Variants in MAPK8IP1 observed in about 807,000 individuals in gnomAD.
The protein encoded by MAPK8IP1 is mitogen-activated protein kinase 8 interacting protein 1.
Under a neutral mutation model 72.6 loss-of-function variants are expected in MAPK8IP1, and 17 were observed. The ratio of observed to expected loss-of-function variants is 0.23; its 90% CI spans 0.16 to 0.35. The LOEUF (loss-of-function observed/expected upper bound fraction) is 0.35, where lower values mean the gene tolerates loss of function less well. MAPK8IP1 is among the 10% of genes least tolerant of loss of function. The pLI, the probability that MAPK8IP1 is intolerant of heterozygous loss-of-function variation, is 1.00. For synonymous variants in MAPK8IP1, 401 were observed against 443.4 expected (o/e 0.90, Z 1.20); for missense variants, 789 against 1,009.7 (o/e 0.78, Z 2.96).
rs921464364 is a variant in MAPK8IP1 at position 45,900,164 on chromosome 11, GGGC to G, written c.245_247del (p.Gly82del). ...CCCCGCGCGCCGGGCTGCTCTCTGC[GGGC>G]GGCGGCGGCGCGGGGAGCCGGTTGC... On this transcript the variant is annotated inframe_deletion, in exon 3 of 12. Coordinates refer to ENST00000241014, the MANE Select transcript of MAPK8IP1 (RefSeq NM_005456.4). This position sits in a 1 kb window ranked among gnomAD's most constrained non-coding sequence, Gnocchi z 6.5. The G allele has an allele frequency of 5.4e-6, 7 of 1,307,396 alleles. No individual in the cohort carries two copies. Among genetic ancestry groups the G allele is most frequent in the Non-Finnish European group, 5.8e-6 (6 of 1,035,174 alleles). The allele number at this position is 1,307,396 out of a possible 1,614,324, so 81.0% of individuals were successfully genotyped here.
At chr11:45,889,080 G>T (rs1245899766) in intron 1 of MAPK8IP1, among the ~76,000 whole-genome samples, 1 of 152,046 alleles carries the variant, frequency 6.6e-6, no homozygotes, top group Non-Finnish European at 1.5e-5. Context: ...TAATTTTTTT[G>T]GATTTTGGAA....
chr11:45,886,552 C>G (rs1246289694), intron 1 of MAPK8IP1, among the ~76,000 whole-genome samples: 1 of 152,176 alleles, frequency 6.6e-6, no homozygotes, highest in African/African-American at 2.4e-5. Context: ...CGGCTCGGCT[C>G]TGGAGTAGCC....
intron 1 of MAPK8IP1, among the ~76,000 whole-genome samples, chr11:45,891,826 C>T (rs952846958): frequency 7.9e-5 from 12 of 152,198 alleles, no homozygotes; most frequent in African/African-American, 2.4e-4. Flanking sequence ...CTGATGGCCA[C>T]GATGGAACCA....
In MAPK8IP1 at chr11:45,900,536, C is replaced by A; in HGVS notation, c.522+84C>A. On this transcript the variant is annotated intron_variant, in intron 3 of 11. Coordinates refer to ENST00000241014, the MANE Select transcript of MAPK8IP1 (RefSeq NM_005456.4). The surrounding 1 kb of genome is among the most constrained non-coding windows in gnomAD (Gnocchi z 6.5). ...GCAGAGGGGCTGCAGCGGGAAGGGG[C>A]ACCCACGGGTCCAGTGCCTGGGGAC... 1.4e-6 allele frequency: 2 copies of A among 1,458,174 alleles called. No individual in the cohort carries two copies. The highest frequency in any genetic ancestry group is 1.8e-6 in the Non-Finnish European group (2 of 1,090,718). The allele number at this position is 1,458,174 out of a possible 1,614,324, so 90.3% of individuals were successfully genotyped here.
chr11:45,896,748 C>T (rs938926825), intron 1 of MAPK8IP1: 36 of 1,475,790 alleles, frequency 2.4e-5, no homozygotes, highest in African/African-American at 4.3e-5. Context: ...GCAGGCAGGA[C>T]GCAGAAAGAC....
chr11:45,890,740 A>G (rs995315133), intron 1 of MAPK8IP1, among the ~76,000 whole-genome samples: 5 of 151,996 alleles, frequency 3.3e-5, no homozygotes, highest in Non-Finnish European at 5.9e-5. Flanking sequence ...GGGTGTGAAA[A>G]TCATGTGGGA....
In MAPK8IP1 at chr11:45,906,259, GTCA is replaced by G. The variant is rs1183165166; in HGVS notation, c.*541_*543del. On this transcript the variant is annotated 3_prime_UTR_variant, in exon 12 of 12. Transcript: ENST00000241014. ...AGGTGAAGTCCCTGTTCTCAGCTCC[GTCA>G]TCTGCGGGGCTTCTGGGTGGCTCCT... is the stretch of plus-strand genomic sequence containing the variant. The G allele has an allele frequency of 1.5e-5, 5 of 326,586 alleles. No individual in the cohort carries two copies. The highest frequency in any genetic ancestry group is 2.8e-5 in the Non-Finnish European group (5 of 178,494). 20.2% of individuals were successfully genotyped at this position (326,586 alleles called of 1,614,324 possible).
intron 1 of MAPK8IP1, among the ~76,000 whole-genome samples, chr11:45,895,635 T>TAA (rs2086599360): frequency 3.8e-5 from 1 of 26,614 alleles, no homozygotes; most frequent in Admixed American, 3.1e-4. Flanking sequence ...AAAAAAAAAA[T>TAA]ATATATATAT....
Position 45,903,475 on chromosome 11 carries a change from A to T in MAPK8IP1, c.1493+35A>T. 1 of 1,580,946 alleles carries T rather than the reference A, an allele frequency of 6.3e-7. No individual in the cohort carries two copies. Among genetic ancestry groups the T allele is most frequent in the Non-Finnish European group, 8.6e-7 (1 of 1,161,708 alleles). Reference sequence around the variant, plus strand: ...ATGGGCTGGCTGGGCCTAGCCAGGCAGCAGTTTGGGCCACACACCACCCTC... The same window carrying T: ...ATGGGCTGGCTGGGCCTAGCCAGGCTGCAGTTTGGGCCACACACCACCCTC... On this transcript the variant is annotated intron_variant, in intron 6 of 11. Coordinates refer to ENST00000241014, the MANE Select transcript of MAPK8IP1 (RefSeq NM_005456.4). The surrounding 1 kb of genome is among the most constrained non-coding windows in gnomAD (Gnocchi z 6.4).
intron 1 of MAPK8IP1, among the ~76,000 whole-genome samples, chr11:45,897,468 A>G (rs1447349874): frequency 1.3e-5 from 2 of 152,192 alleles, no homozygotes; most frequent in Non-Finnish European, 2.9e-5. Context: ...TACACTGGAT[A>G]AGGAGAAGAT....
chr11:45,903,000 C>G lies in MAPK8IP1; in HGVS notation c.1233C>G (p.Thr411=). Residue 411 remains threonine (T), a synonymous_variant, in exon 5 of 12, where the codon ACC becomes ACG. Transcript: ENST00000241014. This position sits in a 1 kb window ranked among gnomAD's most constrained non-coding sequence, Gnocchi z 9.3. ...ACAGTGACGAGAGTGACTCTGCCAC[C>G]GTCTATGACAACTGTGCCTCCGTCT... ...GDYSDESDSA[T]VYDNCASVSS... is the part of the protein sequence containing the mutation. 1 of 1,611,874 alleles carries G rather than the reference C, an allele frequency of 6.2e-7. No homozygotes were observed. Among genetic ancestry groups the G allele is most frequent in the Admixed American group, 1.7e-5 (1 of 60,016 alleles).
rs535725320 is a variant in MAPK8IP1 at position 45,903,690 on chromosome 11, G to A, written c.1493+250G>A. On this transcript the variant is annotated intron_variant, in intron 6 of 11. Coordinates refer to ENST00000241014, the MANE Select transcript of MAPK8IP1 (RefSeq NM_005456.4). This position sits in a 1 kb window ranked among gnomAD's most constrained non-coding sequence, Gnocchi z 6.4. The stretch of plus-strand genomic sequence containing the variant: ...GGCAGGGCACCCAGGAGGGTGACCA[G>A]GAGGATGCCTGCCCACACCCCACCT... Among the ~76,000 whole-genome samples, 53 of 152,304 alleles carry A rather than the reference G, an allele frequency of 3.5e-4. No individual in the cohort carries two copies. The highest frequency in any genetic ancestry group is 1.2e-3 in the African/African-American group (51 of 41,564).
At chr11:45,896,970 G>A (rs2086612534) in intron 1 of MAPK8IP1, 27 of 1,560,506 alleles carry the variant, frequency 1.7e-5, no homozygotes, top group Non-Finnish European at 2.3e-5. Flanking sequence ...ACCGGGGCTG[G>A]CGGGGGTGGA....
intron 1 of MAPK8IP1, 143 bp downstream of exon 1, chr11:45,886,064 GC>G: frequency 4.2e-6 from 2 of 471,328 alleles, no homozygotes; most frequent in Non-Finnish European, 3.6e-6. Context: ...CCGGGACAGA[GC>G]CCCCCTCAGA....
intron 1 of MAPK8IP1, among the ~76,000 whole-genome samples, chr11:45,895,420 G>A (rs1322390961): frequency 6.6e-6 from 1 of 152,102 alleles, no homozygotes; most frequent in African/African-American, 2.4e-5. Flanking sequence ...AGGAGTTCAA[G>A]ACTAGCCTGG....
chr11:45,896,369 C>G (rs1194228699), intron 1 of MAPK8IP1, among the ~76,000 whole-genome samples: 1 of 152,248 alleles, frequency 6.6e-6, no homozygotes, highest in East Asian at 1.9e-4. Flanking sequence ...TTGGGAAGCC[C>G]CCCTTCATCT....
At chr11:45,898,317 G>A (rs950064279) in intron 2 of MAPK8IP1, 127 bp downstream of exon 2, 11 of 670,678 alleles carry the variant, frequency 1.6e-5, no homozygotes, top group African/African-American at 1.4e-4. Context: ...ATGAAATGAT[G>A]TGCAAGAAAC....
At position 45,899,489 on chromosome 11, in the gene MAPK8IP1, G is replaced by A. The variant is rs528183168; in HGVS notation, c.208-649G>A. 2.6e-5 allele frequency among the ~76,000 whole-genome samples: 4 copies of A among 152,354 alleles called. No individual in the cohort carries two copies. The East Asian group carries it at 7.7e-4, about 29-fold the overall frequency. On this transcript the variant is annotated intron_variant, in intron 2 of 11. Coordinates refer to ENST00000241014, the MANE Select transcript of MAPK8IP1 (RefSeq NM_005456.4). ...CTGAAGGATCAGGGGATCTGTCCAA[G>A]GTGCCAGGGAGTTGGCGGCAGAACT...
chr11:45,905,314 G>C (rs1156822009), intron 11 of MAPK8IP1, 65 bp downstream of exon 11: 1 of 1,427,974 alleles, frequency 7.0e-7, no homozygotes, highest in Non-Finnish European at 9.8e-7. Flanking sequence ...CCCTGGGGCT[G>C]CTTCCTGGCG....
Sources: allele counts gnomAD v4.1 joint callset (sites outside exome capture counted in the v4.1 genomes callset), GRCh38; gene constraint gnomAD v4.1.1; non-coding constraint Gnocchi (gnomAD v3.1); transcripts MANE v1.5; gene names NCBI Gene and HGNC (gene_info 2026-07-23, HGNC 2026-07-21).